The following ZNF703 variants were observed in gnomAD, a reference collection of about 807,000 sequenced individuals.
ZNF703 encodes the protein NocA-like zinc finger 1.
In ZNF703, 18 loss-of-function variants were observed where a neutral mutation model predicts 30.7. The observed-to-expected ratio is 0.59, with a 90% CI of 0.40 to 0.87. The LOEUF (loss-of-function observed/expected upper bound fraction) is 0.87. Among genes scored for constraint, ZNF703 ranks in the 40% least tolerant of loss-of-function variants. ZNF703 has a pLI of 0.00. For missense variants in ZNF703, 814 were observed against 847.8 expected, an observed-to-expected ratio of 0.96 and a Z score of 0.50; for synonymous variants, 457 against 438.6, an observed-to-expected ratio of 1.04 and a Z score of -0.52.
chr8:37,698,259 C>A lies in ZNF703; in HGVS notation c.1358C>A (p.Pro453Gln). Residue 453 changes from proline (P) to glutamine (Q), a missense_variant, in exon 2 of 2, where the codon CCG becomes CAG. Coordinates refer to ENST00000331569, the MANE Select transcript of ZNF703 (RefSeq NM_025069.3). ...YTYGFMLQNEPLPHSCNWVAA... is the reference protein window; with the variant it reads ...YTYGFMLQNEQLPHSCNWVAA... ...TACGGCTTCATGCTGCAGAACGAAC[C>A]GCTGCCGCACAGCTGCAACTGGGTG... is the stretch of plus-strand genomic sequence containing the variant. 6.5e-7 allele frequency: 1 copy of A among 1,538,074 alleles called. No homozygotes were observed. Among genetic ancestry groups the A allele is most frequent in the Non-Finnish European group, 8.7e-7 (1 of 1,147,338 alleles).
Position 37,697,280 on chromosome 8 carries a change from G to A in ZNF703, c.379G>A (p.Gly127Ser). Residue 127 changes from glycine to serine, a missense_variant, in exon 2 of 2, where the codon GGC becomes AGC. By Grantham distance (56) the Gly-to-Ser change is moderately conservative. Coordinates refer to ENST00000331569, the MANE Select transcript of ZNF703 (RefSeq NM_025069.3). ...ANGLGAEKDP[G>S]RSAPGAASAA... ...CGGGCTGGGAGCGGAGAAGGACCCC[G>A]GCCGCTCAGCCCCGGGCGCCGCCTC... 4.5e-6 allele frequency: 7 copies of A among 1,569,944 alleles called. No individual in the cohort carries two copies. Among genetic ancestry groups the A allele is most frequent in the Non-Finnish European group, 5.2e-6 (6 of 1,160,766 alleles).
Position 37,697,136 on chromosome 8 carries a change from C to G in ZNF703, c.244-9C>G, listed in dbSNP as rs201382462. Reference sequence around the variant, plus strand: ...TCCTTCTCCCTCCCCCTGCTTCTGTCTCCCACAGCTGGACGCCAAGAAGAG... The same window carrying G: ...TCCTTCTCCCTCCCCCTGCTTCTGTGTCCCACAGCTGGACGCCAAGAAGAG... On this transcript the variant is annotated splice_polypyrimidine_tract_variant and intron_variant, in intron 1 of 1. Transcript: ENST00000331569. The G allele has an allele frequency of 4.4e-3, 6,809 of 1,539,992 alleles. 19 individuals are homozygous for G. The highest frequency in any genetic ancestry group is 4.8e-3 in the Non-Finnish European group (5,567 of 1,148,772).
At position 37,698,441 on chromosome 8, in the gene ZNF703, G is replaced by T. The variant is rs974399085; in HGVS notation, c.1540G>T (p.Ala514Ser). The part of the protein sequence containing the change: ...GSAAAAAAAA[A>S]SCHLHLPPPA... ...CGCCGCCGCCGCCGCCGCCGCCGCCGCCTCCTGCCATCTGCACCTCCCCCC... is the reference window on the plus strand; with the variant it reads ...CGCCGCCGCCGCCGCCGCCGCCGCCTCCTCCTGCCATCTGCACCTCCCCCC... Residue 514 changes from alanine (A) to serine (S), a missense_variant, in exon 2 of 2, where the codon GCC becomes TCC. By Grantham distance (99) the Ala-to-Ser change is moderately conservative. Coordinates refer to ENST00000331569, the MANE Select transcript of ZNF703 (RefSeq NM_025069.3). 1.8e-5 allele frequency: 27 copies of T among 1,478,250 alleles called. No homozygotes were observed. Among genetic ancestry groups the T allele is most frequent in the Admixed American group, 1.1e-4 (4 of 37,172 alleles). The allele number at this position is 1,478,250 out of a possible 1,614,324, so 91.6% of individuals were successfully genotyped here.
At position 37,697,640 on chromosome 8, in the gene ZNF703, C is replaced by G; in HGVS notation, c.739C>G (p.Gln247Glu). 1 of 1,390,544 alleles carries G rather than the reference C, an allele frequency of 7.2e-7. No homozygotes were observed. The allele number at this position is 1,390,544 out of a possible 1,614,324, so 86.1% of individuals were successfully genotyped here. Residue 247 changes from glutamine to glutamate, a missense_variant, in exon 2 of 2, where the codon CAG becomes GAG. By Grantham distance (29) the Gln-to-Glu change is conservative. Coordinates refer to ENST00000331569, the MANE Select transcript of ZNF703 (RefSeq NM_025069.3). ...CGGCGGGGAGCTGGACAAGAAAGAC[C>G]AGGAGCCCAAGCCCAGCCCGGAGCC... is the stretch of plus-strand genomic sequence containing the variant. Reference protein sequence around the residue: ...VGGGELDKKDQEPKPSPEPAA... With the variant: ...VGGGELDKKDEEPKPSPEPAA...
chr8:37,697,764 T>C lies in ZNF703; in HGVS notation c.863T>C (p.Val288Ala). The C allele has an allele frequency of 6.7e-7, 1 of 1,493,110 alleles. No homozygotes were observed. The highest frequency in any genetic ancestry group is 1.3e-5 in the South Asian group (1 of 79,128). 92.5% of individuals were successfully genotyped at this position (1,493,110 alleles called of 1,614,324 possible). The stretch of plus-strand genomic sequence containing the variant: ...AAGTCCGAGCCGCCCTCGGCGCTGG[T>C]GGGGGCCGGCCACGTGGCGCCGGTG... ...GRKSEPPSAL[V>A]GAGHVAPVSP... Residue 288 changes from valine (V) to alanine (A), a missense_variant, in exon 2 of 2, where the codon GTG (valine) becomes GCG (alanine). Coordinates refer to ENST00000331569, the MANE Select transcript of ZNF703 (RefSeq NM_025069.3).
Position 37,697,260 on chromosome 8 carries a change from T to C in ZNF703, c.359T>C (p.Leu120Pro), listed in dbSNP as rs1299878249. The change falls in exon 2 of 2, where the codon CTG becomes CCG. Residue 120 changes from leucine (L) to proline (P), a missense_variant. By Grantham distance (98) the Leu-to-Pro change is moderately conservative. Coordinates refer to ENST00000331569, the MANE Select transcript of ZNF703 (RefSeq NM_025069.3). ...TCGGTGGCGGCGGCGGCCAACGGGCTGGGAGCGGAGAAGGACCCCGGCCGC... is the reference window on the plus strand; with the variant it reads ...TCGGTGGCGGCGGCGGCCAACGGGCCGGGAGCGGAGAAGGACCCCGGCCGC... ...LNSVAAAANG[L>P]GAEKDPGRSA... 2 of 1,580,766 alleles carry C rather than the reference T, an allele frequency of 1.3e-6. No individual in the cohort carries two copies. Among genetic ancestry groups the C allele is most frequent in the Non-Finnish European group, 1.7e-6 (2 of 1,166,782 alleles).
At position 37,696,355 on chromosome 8, in the gene ZNF703, AG is replaced by A. The variant is rs1240587111; in HGVS notation, c.243+137del. 5 of 1,396,642 alleles carry A rather than the reference AG, an allele frequency of 3.6e-6. No individual in the cohort carries two copies. The highest frequency in any genetic ancestry group is 4.7e-6 in the Non-Finnish European group (5 of 1,064,658). 86.5% of individuals were successfully genotyped at this position (1,396,642 alleles called of 1,614,324 possible). The stretch of plus-strand genomic sequence containing the variant: ...GGTCACGCTGGCGGGCTGAGTGAGG[AG>A]GGGAAGAAAACCGAGGGATCAGAGC... On this transcript the variant is annotated intron_variant, in intron 1 of 1. Transcript: ENST00000331569. The surrounding 1 kb of genome is among the most constrained non-coding windows in gnomAD (Gnocchi z 8.2).
rs2128905032 is a variant in ZNF703, at chr8:37,698,666, T to C, written c.1765T>C (p.Tyr589His). The change falls in exon 2 of 2, where the codon TAC becomes CAC. Residue 589 changes from tyrosine to histidine, a missense_variant. Coordinates refer to ENST00000331569, the MANE Select transcript of ZNF703 (RefSeq NM_025069.3). ...QRLASASALG[Y>H]Q ...ACTAGCTTCAGCCTCGGCGCTGGGA[T>C]ACCAGTAACTACAGCTCTTCCTCCA... The C allele has an allele frequency of 1.4e-6, 2 of 1,452,870 alleles. No homozygotes were observed. Among genetic ancestry groups the C allele is most frequent in the East Asian group, 2.7e-5 (1 of 36,648 alleles). The allele number at this position is 1,452,870 out of a possible 1,614,324, so 90.0% of individuals were successfully genotyped here.
rs1209462574 is a variant in ZNF703, at chr8:37,699,523, C to T, written c.*849C>T. Reference sequence around the variant, plus strand: ...ACCGTCACCTTCCAGACTCCCGCCCCTAACACCCAGTGGCTACAGTGCGCC... The same window carrying T: ...ACCGTCACCTTCCAGACTCCCGCCCTTAACACCCAGTGGCTACAGTGCGCC... On this transcript the variant is annotated 3_prime_UTR_variant, in exon 2 of 2. Transcript: ENST00000331569. 6.6e-6 allele frequency: 1 copy of T among 152,354 alleles called. No individual in the cohort carries two copies. The highest frequency in any genetic ancestry group is 1.5e-5 in the Non-Finnish European group (1 of 68,132). The allele number at this position is 152,354 out of a possible 1,614,324, so 9.4% of individuals were successfully genotyped here.
rs747807487 is a variant in ZNF703 at position 37,698,095 on chromosome 8, C to G, written c.1194C>G (p.Thr398=). 2 of 1,537,148 alleles carry G rather than the reference C, an allele frequency of 1.3e-6. No individual in the cohort carries two copies. Among genetic ancestry groups the G allele is most frequent in the South Asian group, 2.4e-5 (2 of 84,028 alleles). ...ACCTCGGCGGCTCCAGCTGCTCCAC[C>G]TGCAGCGCGCACGACCCTGCCGGGC... ...ASHLGGSSCS[T]CSAHDPAGPS... is the part of the protein sequence containing the mutation. The change falls in exon 2 of 2, where the codon ACC becomes ACG. Residue 398 remains threonine, a synonymous_variant. Coordinates refer to ENST00000331569, the MANE Select transcript of ZNF703 (RefSeq NM_025069.3).
At position 37,695,993 on chromosome 8, in the gene ZNF703, C is replaced by T; in HGVS notation, c.14C>T (p.Pro5Leu). The T allele has an allele frequency of 6.5e-7, 1 of 1,531,354 alleles. No homozygotes were observed. The highest frequency in any genetic ancestry group is 1.2e-5 in the South Asian group (1 of 82,298). 94.9% of individuals were successfully genotyped at this position (1,531,354 alleles called of 1,614,324 possible). A position where few individuals can be genotyped will look rare whatever the true frequency, so the allele number is the denominator to read the frequency against. MSDS[P>L]AGSNPRTPES... ...TGCCTCCTCCAAATGAGCGATTCGC[C>T]CGCTGGATCTAACCCAAGGACACCC... The change falls in exon 1 of 2, where the codon CCC becomes CTC. Residue 5 changes from proline to leucine, a missense_variant. Coordinates refer to ENST00000331569, the MANE Select transcript of ZNF703 (RefSeq NM_025069.3).
Position 37,698,185 on chromosome 8 carries a change from C to A in ZNF703, c.1284C>A (p.Leu428=). The change falls in exon 2 of 2, where the codon CTC becomes CTA. Residue 428 remains leucine, a synonymous_variant. Transcript: ENST00000331569. ...GGCACCCGCTGCAGCCCGCCGCGCT[C>A]TCGTCCAGCGCCGCCCAGGCCGCGC... is the stretch of plus-strand genomic sequence containing the variant. The part of the protein sequence containing the change: ...YPGHPLQPAA[L]SSSAAQAALP... The A allele has an allele frequency of 6.5e-7, 1 of 1,529,018 alleles. No homozygotes were observed. Among genetic ancestry groups the A allele is most frequent in the Non-Finnish European group, 8.7e-7 (1 of 1,144,280 alleles). 94.7% of individuals were successfully genotyped at this position (1,529,018 alleles called of 1,614,324 possible). A position where few individuals can be genotyped will look rare whatever the true frequency, so the allele number is the denominator to read the frequency against.
rs1286261409 is a variant in ZNF703 at position 37,697,334 on chromosome 8, G to A, written c.433G>A (p.Asp145Asn). 3.8e-6 allele frequency: 6 copies of A among 1,558,898 alleles called. No homozygotes were observed. Among genetic ancestry groups the A allele is most frequent in the Non-Finnish European group, 5.2e-6 (6 of 1,153,688 alleles). Residue 145 changes from aspartate to asparagine, a missense_variant, in exon 2 of 2, where the codon GAC becomes AAC. Transcript: ENST00000331569. Reference protein sequence around the residue: ...SAAAALKQLGDSPAEDKSSFK... With the variant: ...SAAAALKQLGNSPAEDKSSFK... The stretch of plus-strand genomic sequence containing the variant: ...AGCCGCGGCCCTGAAGCAGCTGGGG[G>A]ACTCACCGGCCGAGGACAAGTCCAG...
Position 37,696,037 on chromosome 8 carries a change from A to AGCGGCG in ZNF703, c.66_71dup (p.Gly23_Gly24dup), listed in dbSNP as rs1563298376. The AGCGGCG allele has an allele frequency of 4.5e-6, 7 of 1,545,718 alleles. No individual in the cohort carries two copies. Among genetic ancestry groups the AGCGGCG allele is most frequent in the Non-Finnish European group, 6.1e-6 (7 of 1,144,780 alleles). ...GACACCCGAAAGCAGCGGCAGCGGC[A>AGCGGCG]GCGGCGGCGGCGGGAAGAGGCCGGC... On this transcript the variant is annotated inframe_insertion, in exon 1 of 2. Coordinates refer to ENST00000331569, the MANE Select transcript of ZNF703 (RefSeq NM_025069.3). The surrounding 1 kb of genome is among the most constrained non-coding windows in gnomAD (Gnocchi z 8.2).
chr8:37,697,113 C>T (rs769477525), intron 1 of ZNF703, 32 bp from the exon 2 acceptor site: 4 of 1,497,040 alleles, frequency 2.7e-6, no homozygotes, highest in Admixed American at 2.3e-5. Context: ...AGTCTCACTC[C>T]TTCTCCCTCC....
rs370375841 is a variant in ZNF703 at position 37,698,299 on chromosome 8, G to A, written c.1398G>A (p.Pro466=). 1.9e-6 allele frequency: 3 copies of A among 1,539,870 alleles called. No homozygotes were observed. The highest frequency in any genetic ancestry group is 1.2e-5 in the South Asian group (1 of 83,414). The part of the protein sequence containing the change: ...HSCNWVAASG[P]CDKRFATSEE... ...GCAACTGGGTGGCAGCCAGTGGGCC[G>A]TGCGACAAGCGCTTCGCCACCTCGG... Residue 466 remains proline, a synonymous_variant, in exon 2 of 2, where the codon CCG becomes CCA. Coordinates refer to ENST00000331569, the MANE Select transcript of ZNF703 (RefSeq NM_025069.3).
In ZNF703 at chr8:37,696,191, C is replaced by T; in HGVS notation, c.212C>T (p.Pro71Leu). The change falls in exon 1 of 2, where the codon CCG becomes CTG. Residue 71 changes from proline (P) to leucine (L), a missense_variant. Pro to Leu is a moderately conservative substitution (Grantham distance 98). Coordinates refer to ENST00000331569, the MANE Select transcript of ZNF703 (RefSeq NM_025069.3). The surrounding 1 kb of genome is among the most constrained non-coding windows in gnomAD (Gnocchi z 8.2). ...CTCCTGCACCCGGAGTACCTGCAGC[C>T]GCTGTCCTCCACTCCCGTCAGCCCC... ...GHLLHPEYLQPLSSTPVSPIE... is the reference protein window; with the variant it reads ...GHLLHPEYLQLLSSTPVSPIE... 1.9e-6 allele frequency: 3 copies of T among 1,611,540 alleles called. No individual in the cohort carries two copies. The highest frequency in any genetic ancestry group is 2.5e-6 in the Non-Finnish European group (3 of 1,179,258).
At position 37,698,398 on chromosome 8, in the gene ZNF703, G is replaced by A; in HGVS notation, c.1497G>A (p.Gly499=). The change falls in exon 2 of 2, where the codon GGG becomes GGA. Residue 499 remains glycine (G), a synonymous_variant. Coordinates refer to ENST00000331569, the MANE Select transcript of ZNF703 (RefSeq NM_025069.3). ...AGAAACTTCTGGCCGCCTACCCCGG[G>A]GCCTCGGGCCTGGGCAGCGCCGCCG... is the stretch of plus-strand genomic sequence containing the variant. ...GAEKLLAAYP[G]ASGLGSAAAA... 2 of 1,520,660 alleles carry A rather than the reference G, an allele frequency of 1.3e-6. No homozygotes were observed. The highest frequency in any genetic ancestry group is 1.8e-6 in the Non-Finnish European group (2 of 1,135,124). 94.2% of individuals were successfully genotyped at this position (1,520,660 alleles called of 1,614,324 possible). A position where few individuals can be genotyped will look rare whatever the true frequency, so the allele number is the denominator to read the frequency against.
At position 37,698,116 on chromosome 8, in the gene ZNF703, C is replaced by A. The variant is rs774360079; in HGVS notation, c.1215C>A (p.Ala405=). ...SCSTCSAHDP[A]GPSLKAGGYP... is the part of the protein sequence containing the mutation. ...CCACCTGCAGCGCGCACGACCCTGCCGGGCCCAGCCTGAAGGCGGGGGGCT... is the reference window on the plus strand; with the variant it reads ...CCACCTGCAGCGCGCACGACCCTGCAGGGCCCAGCCTGAAGGCGGGGGGCT... Residue 405 remains alanine, a synonymous_variant, in exon 2 of 2, where the codon GCC becomes GCA. Coordinates refer to ENST00000331569, the MANE Select transcript of ZNF703 (RefSeq NM_025069.3). The A allele has an allele frequency of 1.2e-4, 184 of 1,532,000 alleles. No homozygotes were observed. The highest frequency in any genetic ancestry group is 1.5e-4 in the Non-Finnish European group (174 of 1,145,356). The allele number at this position is 1,532,000 out of a possible 1,614,324, so 94.9% of individuals were successfully genotyped here. A position where few individuals can be genotyped will look rare whatever the true frequency, so the allele number is the denominator to read the frequency against.
Sources: gnomAD v4.1 joint callset for allele counts on GRCh38, gnomAD v4.1.1 for gene constraint, Gnocchi (gnomAD v3.1) non-coding constraint, MANE v1.5 for transcripts, NCBI Gene and HGNC (gene_info 2026-07-23, HGNC 2026-07-21) for gene names.